SLC5A1: variants seen among roughly 807,000 people sequenced by gnomAD.
SLC5A1 encodes the protein sodium/glucose cotransporter 1.
In SLC5A1, 42 loss-of-function variants were observed where a neutral mutation model predicts 73.5. That is an observed-to-expected ratio of 0.57 (90% CI 0.45 to 0.74). SLC5A1 has a LOEUF of 0.74. Among genes scored for constraint, SLC5A1 ranks in the 30% least tolerant of loss-of-function variants. The pLI is 0.00. For missense variants in SLC5A1, 634 were observed against 855.4 expected (o/e 0.74, Z 3.23); for synonymous variants, 300 against 317.4 (o/e 0.95, Z 0.58).
At chr22:32,050,487 A>G (rs2093943772) in intron 2 of SLC5A1, among the ~76,000 whole-genome samples, 1 of 152,138 alleles carries the variant, frequency 6.6e-6, no homozygotes. Context: ...TGAGACAGAG[A>G]GGGTTTGGGT....
At chr22:32,067,848 C>A in intron 3 of SLC5A1, 119 bp from the exon 4 acceptor site, 1 of 1,031,724 alleles carries the variant, frequency 9.7e-7, no homozygotes, top group Non-Finnish European at 1.5e-6. Context: ...CAGTCTCTAA[C>A]GGCTCCTTAG....
intron 4 of SLC5A1, 56 bp downstream of exon 4, chr22:32,068,082 G>A: frequency 6.4e-7 from 1 of 1,555,368 alleles, no homozygotes; most frequent in Non-Finnish European, 8.9e-7. Context: ...TGTCAGCTTG[G>A]TCTTCCTAGA....
At chr22:32,047,674 C>T (rs185119304) in intron 1 of SLC5A1, among the ~76,000 whole-genome samples, 37 of 152,246 alleles carry the variant, frequency 2.4e-4, no homozygotes, top group Admixed American at 2.2e-3. Context: ...CAATAATGGC[C>T]CTGCTTCCTA....
At chr22:32,083,182 G>A in intron 7 of SLC5A1, 28 bp downstream of exon 7, 2 of 1,594,818 alleles carry the variant, frequency 1.3e-6, no homozygotes, top group African/African-American at 2.7e-5. Flanking sequence ...AGGCTGAGGA[G>A]GTGGGAGCAG....
chr22:32,059,473 C>T (rs1480410668), intron 2 of SLC5A1: 23 of 448,112 alleles, frequency 5.1e-5, no homozygotes, highest in Non-Finnish European at 6.8e-5. Context: ...CCAGGAAAAA[C>T]GAAAATGTCA....
intron 13 of SLC5A1, among the ~76,000 whole-genome samples, chr22:32,103,489 G>A (rs2094039940): frequency 6.6e-6 from 1 of 152,212 alleles, no homozygotes; most frequent in African/African-American, 2.4e-5. Context: ...CCTCACAGTT[G>A]TCCACCCTTT....
intron 5 of SLC5A1, among the ~76,000 whole-genome samples, chr22:32,078,811 C>T (rs1053244424): frequency 2.6e-5 from 4 of 151,766 alleles, no homozygotes; most frequent in African/African-American, 4.8e-5. Flanking sequence ...AAAAATTAGC[C>T]AGGCATGGTG....
chr22:32,056,926 C>G (rs1165004529), intron 2 of SLC5A1, among the ~76,000 whole-genome samples: 1 of 152,206 alleles, frequency 6.6e-6, no homozygotes, highest in African/African-American at 2.4e-5. Flanking sequence ...TTCAGAATAG[C>G]ATGTCTTTGT....
chr22:32,049,049 G>C (rs1300755451), intron 1 of SLC5A1, among the ~76,000 whole-genome samples: 3 of 149,504 alleles, frequency 2.0e-5, no homozygotes, highest in Admixed American at 6.7e-5. Context: ...ACTCCAGCCT[G>C]GGTGACTGAG....
intron 5 of SLC5A1, among the ~76,000 whole-genome samples, chr22:32,073,992 G>C (rs557529003): frequency 6.6e-6 from 1 of 152,182 alleles, no homozygotes; most frequent in Admixed American, 6.5e-5. Flanking sequence ...TCCTGAGAAA[G>C]GGCAGTGTGT....
At chr22:32,059,383 T>G (rs529434894) in intron 2 of SLC5A1, 1 of 976,552 alleles carries the variant, frequency 1.0e-6, no homozygotes, top group Non-Finnish European at 1.2e-6. Context: ...CTGGATGGTG[T>G]CAGTGGAGAG....
intron 5 of SLC5A1, among the ~76,000 whole-genome samples, chr22:32,071,158 T>C (rs532298845): frequency 6.6e-6 from 1 of 152,218 alleles, no homozygotes; most frequent in African/African-American, 2.4e-5. Flanking sequence ...ATGTAAGATA[T>C]AATGATAACG....
At chr22:32,055,271 T>C (rs2093950160) in intron 2 of SLC5A1, among the ~76,000 whole-genome samples, 1 of 152,222 alleles carries the variant, frequency 6.6e-6, no homozygotes, top group Non-Finnish European at 1.5e-5. Flanking sequence ...GAGACTGTGA[T>C]GACTCTGGAA....
chr22:32,081,968 A>G lies in SLC5A1; in HGVS notation c.580A>G (p.Thr194Ala). ...LLAITALYTI[T>A]GGLAAVIYTD... ...GGCAATCACTGCCCTTTACACAATT[A>G]CAGGTGAGTCCATTCAAATAAACCA... Residue 194 changes from threonine to alanine, a missense_variant, in exon 6 of 15, where the codon ACA (threonine) becomes GCA (alanine). By Grantham distance (58) the Thr-to-Ala change is moderately conservative. Transcript: ENST00000266088. 1.3e-6 allele frequency: 2 copies of G among 1,597,486 alleles called. No homozygotes were observed. The highest frequency in any genetic ancestry group is 2.2e-5 in the East Asian group (1 of 44,782).
rs1342194807 is a variant in SLC5A1, at chr22:32,091,338, CA to C, written c.1130-273del. On this transcript the variant is annotated intron_variant, in intron 10 of 14. Coordinates refer to ENST00000266088, the MANE Select transcript of SLC5A1 (RefSeq NM_000343.4). The stretch of plus-strand genomic sequence containing the variant: ...ACACACACACACACACACACACACA[CA>C]CACCCCACCACCTTCATCATCGTCC... Among the ~76,000 whole-genome samples, 130 of 146,240 alleles carry C rather than the reference CA, an allele frequency of 8.9e-4. 2 individuals are homozygous for C. The highest frequency in any genetic ancestry group is 3.1e-3 in the African/African-American group (119 of 38,868).
intron 13 of SLC5A1, among the ~76,000 whole-genome samples, chr22:32,103,100 G>T (rs1250347380): frequency 1.3e-5 from 2 of 152,074 alleles, no homozygotes; most frequent in Non-Finnish European, 2.9e-5. Flanking sequence ...TAGTAGAATT[G>T]CTGGATCATA....
intron 12 of SLC5A1, among the ~76,000 whole-genome samples, chr22:32,099,618 G>A (rs1305006151): frequency 6.6e-6 from 1 of 151,958 alleles, no homozygotes; most frequent in Non-Finnish European, 1.5e-5. Flanking sequence ...ATAGAGGTGA[G>A]GACTCACTAT....
Position 32,112,598 on chromosome 22 carries a change from A to T in SLC5A1, c.*2385A>T, listed in dbSNP as rs1386011763. On this transcript the variant is annotated 3_prime_UTR_variant, in exon 15 of 15. Transcript: ENST00000266088. ...ATATAAACTATTTAATGAGTACCAA[A>T]CACAAAAGTCAAGCTTGTAAAATAT... 1 of 152,220 alleles carries T rather than the reference A, an allele frequency of 6.6e-6. No homozygotes were observed. The highest frequency in any genetic ancestry group is 1.5e-5 in the Non-Finnish European group (1 of 68,054). 9.4% of individuals were successfully genotyped at this position (152,220 alleles called of 1,614,324 possible). A position where few individuals can be genotyped will look rare whatever the true frequency, so the allele number is the denominator to read the frequency against.
intron 7 of SLC5A1, among the ~76,000 whole-genome samples, chr22:32,083,423 G>A (rs1441541192): frequency 2.6e-5 from 4 of 152,178 alleles, no homozygotes; most frequent in Non-Finnish European, 5.9e-5. Context: ...GTTGTGCTGT[G>A]AGCCTGTGAT....
Sources: allele counts gnomAD v4.1 joint callset (sites outside exome capture counted in the v4.1 genomes callset), GRCh38; gene constraint gnomAD v4.1.1; transcripts MANE v1.5; gene names NCBI Gene and HGNC (gene_info 2026-07-23, HGNC 2026-07-21).